Variants in TSPAN7 observed in about 807,000 individuals in gnomAD.
TSPAN7 encodes the protein tetraspanin 7.
A neutral mutation model predicts 17.6 loss-of-function variants in TSPAN7; 1 was observed. The ratio of observed to expected loss-of-function variants is 0.06; its 90% CI spans 0.02 to 0.27. The LOEUF is 0.27. TSPAN7 is among the 10% of genes least tolerant of loss of function. The probability of loss-of-function intolerance (pLI) is 1.00; values close to 1 mark genes in which losing one functional copy is unlikely to be tolerated. For synonymous variants in TSPAN7, 78 were observed against 79.0 expected (o/e 0.99, Z 0.07); for missense variants, 112 against 201.7 (o/e 0.56, Z 2.69).
intron 1 of TSPAN7, among the ~76,000 whole-genome samples, chrX:38,663,024 A>G (rs894177368): frequency 8.1e-5 from 9 of 110,796 alleles, no homozygotes; most frequent in African/African-American, 3.0e-4. Flanking sequence ...CTTTATAAGG[A>G]GTCTTTCTCT....
chrX:38,578,596 G>A (rs1021304997), intron 1 of TSPAN7, among the ~76,000 whole-genome samples: 4 of 111,023 alleles, frequency 3.6e-5, no homozygotes, highest in Non-Finnish European at 5.7e-5. Flanking sequence ...TCTTTGAGTG[G>A]TGCCTCAATG....
rs184709340 is a variant in TSPAN7 at position 38,579,308 on chromosome X, G to A, written c.81+17681G>A. Among the ~76,000 whole-genome samples, 5 of 110,747 alleles carry A rather than the reference G, an allele frequency of 4.5e-5. No individual in the cohort carries two copies. The Admixed American group carries it at 4.8e-4, about 11-fold the overall frequency. ...ATTAAATTAATGCAAGGCCGGGCAT[G>A]GTGGCTCACACCTGTAATCCCAGCA... On this transcript the variant is annotated intron_variant, in intron 1 of 7. Coordinates refer to ENST00000378482, the MANE Select transcript of TSPAN7 (RefSeq NM_004615.4).
At chrX:38,639,293 A>G (rs1422667786) in intron 1 of TSPAN7, among the ~76,000 whole-genome samples, 1 of 109,232 alleles carries the variant, frequency 9.2e-6, no homozygotes, top group Non-Finnish European at 1.9e-5. Flanking sequence ...GAAAAAAAAT[A>G]AACTGGGTAC....
intron 2 of TSPAN7, among the ~76,000 whole-genome samples, chrX:38,670,580 G>T (rs985988045): frequency 1.8e-5 from 2 of 112,567 alleles, no homozygotes; most frequent in African/African-American, 6.4e-5. Context: ...AGCTGCAGTG[G>T]CTACTGTGTC....
chrX:38,618,711 G>C (rs2069470751), intron 1 of TSPAN7, among the ~76,000 whole-genome samples: 1 of 111,791 alleles, frequency 8.9e-6, no homozygotes, highest in Admixed American at 9.5e-5. Flanking sequence ...GAGTTCAGCA[G>C]TTTACAGGGC....
intron 1 of TSPAN7, among the ~76,000 whole-genome samples, chrX:38,604,865 C>T (rs1361039033): frequency 9.0e-6 from 1 of 111,244 alleles, no homozygotes; most frequent in Non-Finnish European, 1.9e-5. Context: ...AACAACCCTT[C>T]ATGCTAAAAA....
rs1340603455 is a variant in TSPAN7 at position 38,623,172 on chromosome X, A to C, written c.82-42949A>C. The C allele has an allele frequency of 4.7e-5, 14 of 298,208 alleles. 1 individual carries two copies. The highest frequency in any genetic ancestry group is 3.4e-4 in the Admixed American group (9 of 26,705). The allele number at this position is 298,208 out of a possible 1,213,427, so 24.6% of individuals were successfully genotyped here. On this transcript the variant is annotated intron_variant, in intron 1 of 7. Transcript: ENST00000378482. ...AGCACTTTGTAAACCCTGAAGTGTG[A>C]TCATTGTCAGATTTATTTACTCCTA... is the stretch of plus-strand genomic sequence containing the variant.
intron 1 of TSPAN7, among the ~76,000 whole-genome samples, chrX:38,643,423 A>G (rs2069625736): frequency 9.0e-6 from 1 of 111,124 alleles, no homozygotes; most frequent in Non-Finnish European, 1.9e-5. Flanking sequence ...GCCTATATTA[A>G]ACTAAAATCT....
rs758780742 is a variant in TSPAN7, at chrX:38,679,259, C to T, written c.598-1945C>T. On this transcript the variant is annotated intron_variant, in intron 5 of 7. Coordinates refer to ENST00000378482, the MANE Select transcript of TSPAN7 (RefSeq NM_004615.4). ...TTGCAGAATAAGAAAATAGCTCATT[C>T]TGCTTCTCTCTCAGTTGTATTATCA... Among the ~76,000 whole-genome samples the T allele has an allele frequency of 1.5e-3, 164 of 112,014 alleles. 1 individual carries two copies. The highest frequency in any genetic ancestry group is 2.0e-3 in the Non-Finnish European group (106 of 53,210).
intron 1 of TSPAN7, among the ~76,000 whole-genome samples, chrX:38,566,054 C>A (rs1159359898): frequency 8.9e-6 from 1 of 111,906 alleles, no homozygotes; most frequent in Non-Finnish European, 1.9e-5. Flanking sequence ...AGCAGTAAGT[C>A]CTGTGAAGAA....
chrX:38,662,285 T>G (rs1036051617), intron 1 of TSPAN7, among the ~76,000 whole-genome samples: 1 of 112,343 alleles, frequency 8.9e-6, no homozygotes, highest in African/African-American at 3.2e-5. Context: ...TTACTGGCCC[T>G]TTCTGGTCCA....
intron 1 of TSPAN7, among the ~76,000 whole-genome samples, chrX:38,648,394 C>A (rs905603535): frequency 9.8e-5 from 11 of 112,133 alleles, no homozygotes; most frequent in African/African-American, 3.6e-4. Context: ...TTCCTGACCC[C>A]TTCATGGACA....
At chrX:38,683,788 T>C (rs1043644452) in intron 6 of TSPAN7, among the ~76,000 whole-genome samples, 4 of 113,209 alleles carry the variant, frequency 3.5e-5, no homozygotes, top group African/African-American at 1.3e-4. Flanking sequence ...AGATGCCTGT[T>C]CACAAAGAAC....
intron 1 of TSPAN7, among the ~76,000 whole-genome samples, chrX:38,618,096 T>C (rs577135108): frequency 5.4e-5 from 6 of 111,562 alleles, no homozygotes; most frequent in Admixed American, 1.9e-4. Flanking sequence ...AATCAGGCCA[T>C]CACTGGGAAG....
At chrX:38,652,852 A>G (rs2069682736) in intron 1 of TSPAN7, among the ~76,000 whole-genome samples, 1 of 112,261 alleles carries the variant, frequency 8.9e-6, no homozygotes, top group Non-Finnish European at 1.9e-5. Flanking sequence ...GGTTCAGGGT[A>G]CTGGTTTCCT....
At chrX:38,637,441 G>A (rs1265024421) in intron 1 of TSPAN7, among the ~76,000 whole-genome samples, 1 of 112,249 alleles carries the variant, frequency 8.9e-6, no homozygotes, top group Non-Finnish European at 1.9e-5. Context: ...ACTTAGAAAT[G>A]TCATGGCTAT....
intron 1 of TSPAN7, among the ~76,000 whole-genome samples, chrX:38,609,337 A>G (rs1273150969): frequency 9.0e-6 from 1 of 111,618 alleles, no homozygotes; most frequent in Non-Finnish European, 1.9e-5. Flanking sequence ...CTTGATAATA[A>G]ATCAGTTCTA....
intron 1 of TSPAN7, among the ~76,000 whole-genome samples, chrX:38,597,405 A>G (rs1449876851): frequency 4.5e-5 from 5 of 111,167 alleles, no homozygotes; most frequent in Non-Finnish European, 9.5e-5. Context: ...GTCTTTAACT[A>G]TAGTGCTGAA....
In TSPAN7 at chrX:38,659,033, CA is replaced by C. The variant is rs1268737195; in HGVS notation, c.82-7087del. Among the ~76,000 whole-genome samples the C allele has an allele frequency of 1.1e-3, 102 of 91,972 alleles. No homozygotes were observed. The East Asian group carries it at 0.02, about 18-fold the overall frequency. 79.9% of individuals were successfully genotyped at this position (91,972 alleles called of 115,157 possible). A position where few individuals can be genotyped will look rare whatever the true frequency, so the allele number is the denominator to read the frequency against. On this transcript the variant is annotated intron_variant, in intron 1 of 7. Transcript: ENST00000378482. Reference sequence around the variant, plus strand: ...ACACACACACACACACACACACACACACACACCCACAGACGTACACATGTAT... The same window carrying C: ...ACACACACACACACACACACACACACCACACCCACAGACGTACACATGTAT...
Sources: gnomAD v4.1 joint callset for allele counts (sites outside exome capture counted in the v4.1 genomes callset) on GRCh38, gnomAD v4.1.1 for gene constraint, MANE v1.5 for transcripts, NCBI Gene and HGNC (gene_info 2026-07-23, HGNC 2026-07-21) for gene names.